Variants in HECW1 observed in about 807,000 individuals in gnomAD.
HECW1 encodes the protein HECT, C2 and WW domain containing E3 ubiquitin protein ligase 1.
A neutral mutation model predicts 182.3 loss-of-function variants in HECW1; 61 were observed. The ratio of observed to expected loss-of-function variants is 0.33; its 90% CI spans 0.27 to 0.41. The LOEUF (loss-of-function observed/expected upper bound fraction) is 0.41, where lower values mean the gene tolerates loss of function less well. HECW1 is among the 10% of genes least tolerant of loss of function. The pLI is 1.00. For missense variants in HECW1, 1,739 were observed against 2,108.9 expected (o/e 0.82, Z 3.44); for synonymous variants, 859 against 832.6 (o/e 1.03, Z -0.55).
At chr7:43,528,523 C>T (rs1339188943) in intron 24 of HECW1, among the ~76,000 whole-genome samples, 1 of 152,188 alleles carries the variant, frequency 6.6e-6, no homozygotes. Flanking sequence ...AGTTTTACCA[C>T]AACTGGTTTT....
In HECW1 at chr7:43,561,843, C is replaced by T. The variant is rs370262468; in HGVS notation, c.4738C>T (p.Leu1580Phe). ...RAHTCFNRLD[L>F]PPYPSYSMLY... ...ACACACATGCTTCAACCGACTGGAT[C>T]TTCCACCGTATCCCTCGTACTCCAT... Residue 1580 changes from leucine (L) to phenylalanine (F), a missense_variant, in exon 30 of 30, where the codon CTT becomes TTT. Coordinates refer to ENST00000395891, the MANE Select transcript of HECW1 (RefSeq NM_015052.5). 1 of 1,613,784 alleles carries T rather than the reference C, an allele frequency of 6.2e-7. No homozygotes were observed. The highest frequency in any genetic ancestry group is 1.3e-5 in the African/African-American group (1 of 74,918).
rs149667253 is a variant in HECW1 at position 43,303,937 on chromosome 7, AC to A, written c.28-7823del. 7.7e-4 allele frequency among the ~76,000 whole-genome samples: 117 copies of A among 152,260 alleles called. 3 individuals carry two copies. In the East Asian group the frequency reaches 0.019, roughly 24 times the overall value. On this transcript the variant is annotated intron_variant, in intron 3 of 29. Transcript: ENST00000395891. ...CTCAGGATGTGAGAGGGAGAGGAGGACCCAGGGGCAGTATTTAATCTCATCC... is the reference window on the plus strand; with the variant it reads ...CTCAGGATGTGAGAGGGAGAGGAGGACCAGGGGCAGTATTTAATCTCATCC...
chr7:43,212,597 A>C (rs1796097181), intron 2 of HECW1, among the ~76,000 whole-genome samples: 1 of 152,106 alleles, frequency 6.6e-6, no homozygotes, highest in South Asian at 2.1e-4. Flanking sequence ...AGTAACTGGT[A>C]ATTTTAGCTG....
chr7:43,165,287 G>A (rs1284022208), intron 2 of HECW1, among the ~76,000 whole-genome samples: 2 of 151,890 alleles, frequency 1.3e-5, no homozygotes, highest in Non-Finnish European at 2.9e-5. Flanking sequence ...GAGATTTCCA[G>A]AACACATTGG....
In HECW1 at chr7:43,335,993, C is replaced by CTCCT. The variant is rs202032014; in HGVS notation, c.460+15261_460+15264dup. Among the ~76,000 whole-genome samples the CTCCT allele has an allele frequency of 7.1e-3, 905 of 127,444 alleles. 7 individuals are homozygous for CTCCT. The highest frequency in any genetic ancestry group is 0.012 in the Non-Finnish European group (655 of 55,760). The allele number at this position is 127,444 out of a possible 152,430, so 83.6% of individuals were successfully genotyped here. ...TCCCTCTCTCTCTCTTTCTCTCTCT[C>CTCCT]TCCTTCCTTCCTTTCTCTTTCTCTT... On this transcript the variant is annotated intron_variant, in intron 5 of 29. Coordinates refer to ENST00000395891, the MANE Select transcript of HECW1 (RefSeq NM_015052.5).
intron 8 of HECW1, among the ~76,000 whole-genome samples, chr7:43,423,675 GGTGAGCTGGAGCCAGCTCAT>G (rs1210357121): frequency 6.6e-6 from 1 of 152,182 alleles, no homozygotes; most frequent in Non-Finnish European, 1.5e-5. Flanking sequence ...GGTGGTGGGT[GGTGAGCTGGAGCCAGCTCAT>G]GTGAGCTGAC....
At chr7:43,392,422 C>CA (rs1303197160) in intron 6 of HECW1, among the ~76,000 whole-genome samples, 2 of 152,220 alleles carry the variant, frequency 1.3e-5, no homozygotes, top group Admixed American at 1.3e-4. Flanking sequence ...TGGGCCATTC[C>CA]AAGAGGCAGC....
intron 3 of HECW1, among the ~76,000 whole-genome samples, chr7:43,307,728 T>C (rs1807766153): frequency 6.6e-6 from 1 of 151,752 alleles, no homozygotes; most frequent in Admixed American, 6.6e-5. Flanking sequence ...TGTTGAGCAA[T>C]CAGCTCTATC....
chr7:43,556,384 C>G lies in HECW1; in HGVS notation c.4709+1594C>G, dbSNP rs1291637209. 2.6e-5 allele frequency among the ~76,000 whole-genome samples: 4 copies of G among 152,146 alleles called. No homozygotes were observed. In the East Asian group the frequency reaches 5.8e-4, roughly 22 times the overall value. ...TGCAGTTGAGAAAGAGTTTGGTGAG[C>G]CACAAACAAAAGACCCTGCTGTCTG... On this transcript the variant is annotated intron_variant, in intron 29 of 29. Coordinates refer to ENST00000395891, the MANE Select transcript of HECW1 (RefSeq NM_015052.5).
intron 5 of HECW1, among the ~76,000 whole-genome samples, chr7:43,322,812 T>C (rs1412291374): frequency 6.6e-6 from 1 of 151,818 alleles, no homozygotes; most frequent in African/African-American, 2.4e-5. Context: ...GTAAGAGAGG[T>C]TTTTCTCTCT....
intron 19 of HECW1, 101 bp downstream of exon 19, chr7:43,493,281 T>C: frequency 1.6e-5 from 11 of 706,510 alleles, no homozygotes; most frequent in South Asian, 3.6e-5. Flanking sequence ...TTATTATACA[T>C]TGTATTTGTG....
At chr7:43,264,807 G>A (rs1428416429) in intron 3 of HECW1, among the ~76,000 whole-genome samples, 2 of 145,904 alleles carry the variant, frequency 1.4e-5, no homozygotes, top group Non-Finnish European at 1.5e-5. Context: ...TCGCACCACT[G>A]CACTCCAGCC....
At chr7:43,478,723 A>G (rs1439170065) in intron 16 of HECW1, among the ~76,000 whole-genome samples, 1 of 152,118 alleles carries the variant, frequency 6.6e-6, no homozygotes, top group Non-Finnish European at 1.5e-5. Context: ...GATTTTTATT[A>G]TCTTCTTTCT....
At chr7:43,411,794 G>A (rs1345037553) in intron 8 of HECW1, among the ~76,000 whole-genome samples, 1 of 152,034 alleles carries the variant, frequency 6.6e-6, no homozygotes, top group African/African-American at 2.4e-5. Flanking sequence ...CCTCCCTTAT[G>A]TTTAGTGTTT....
intron 3 of HECW1, among the ~76,000 whole-genome samples, chr7:43,277,459 G>A (rs765948471): frequency 2.6e-5 from 4 of 152,160 alleles, no homozygotes; most frequent in Non-Finnish European, 4.4e-5. Flanking sequence ...CAGATAAGAG[G>A]GATGAGGAAG....
chr7:43,297,773 A>T (rs1806223289), intron 3 of HECW1, among the ~76,000 whole-genome samples: 1 of 151,518 alleles, frequency 6.6e-6, no homozygotes, highest in African/African-American at 2.4e-5. Flanking sequence ...TGATTTTTCT[A>T]AAAAAAAACT....
chr7:43,325,786 C>T (rs929437107), intron 5 of HECW1, among the ~76,000 whole-genome samples: 21 of 152,204 alleles, frequency 1.4e-4, no homozygotes, highest in Non-Finnish European at 1.8e-4. Context: ...GTCTTAGGCT[C>T]GGCCTGTCTT....
At chr7:43,521,323 C>T (rs1331494878) in intron 24 of HECW1, among the ~76,000 whole-genome samples, 1 of 152,128 alleles carries the variant, frequency 6.6e-6, no homozygotes, top group East Asian at 1.9e-4. Context: ...CCAGCTGTCA[C>T]AACCAAAAAT....
chr7:43,492,953 T>G (rs1348817141), intron 18 of HECW1, 131 bp from the exon 19 acceptor site: 1 of 560,950 alleles, frequency 1.8e-6, no homozygotes, highest in East Asian at 2.9e-5. Context: ...GCTTGCATTT[T>G]TTTGATGAGT....
Sources: allele counts gnomAD v4.1 joint callset (sites outside exome capture counted in the v4.1 genomes callset), GRCh38; gene constraint gnomAD v4.1.1; transcripts MANE v1.5; gene names NCBI Gene and HGNC (gene_info 2026-07-23, HGNC 2026-07-21).